ATP8B1: variants seen among roughly 807,000 people sequenced by gnomAD.
ATP8B1 encodes the protein ATPase phospholipid transporting 8B1.
ATP8B1 carries 80 observed loss-of-function variants against 149.9 expected under a neutral mutation model. The observed-to-expected ratio is 0.53, with a 90% confidence interval of 0.45 to 0.64. The LOEUF is 0.64. Among genes scored for constraint, ATP8B1 ranks in the 30% least tolerant of loss-of-function variants. The pLI, the probability that ATP8B1 is intolerant of heterozygous loss-of-function variation, is 0.00. For synonymous variants in ATP8B1, 536 were observed against 562.8 expected, an observed-to-expected ratio of 0.95 and a Z score of 0.67; for missense variants, 1,247 against 1,552.6, an observed-to-expected ratio of 0.80 and a Z score of 3.31.
At chr18:57,783,757 A>G (rs2080379506) in intron 1 of ATP8B1, among the ~76,000 whole-genome samples, 1 of 152,074 alleles carries the variant, frequency 6.6e-6, no homozygotes, top group Non-Finnish European at 1.5e-5. Flanking sequence ...AATTGCTTGA[A>G]CTGGGAGGCA....
At position 57,667,376 on chromosome 18, in the gene ATP8B1, C is replaced by T. The variant is rs552838476; in HGVS notation, c.2210-209G>A. ...CCCAAGTAGCTGGGACTACGCAACT[C>T]GCTGCCAAGCCACCAAACAATTTGT... On this transcript the variant is annotated intron_variant, in intron 19 of 27. Transcript: ENST00000648908. 278 of 543,880 alleles carry T rather than the reference C, an allele frequency of 5.1e-4. 1 individual carries two copies. The highest frequency in any genetic ancestry group is 5.0e-3 in the South Asian group (237 of 47,774). 33.7% of individuals were successfully genotyped at this position (543,880 alleles called of 1,614,324 possible). A position where few individuals can be genotyped will look rare whatever the true frequency, so the allele number is the denominator to read the frequency against.
chr18:57,764,677 C>T lies in ATP8B1; in HGVS notation c.-25-32845G>A, dbSNP rs189153779. On this transcript the variant is annotated intron_variant, in intron 1 of 27. Transcript: ENST00000648908. Reference sequence around the variant, plus strand: ...CAAGTGATCCACCTGCCTCAGCCTCCCAAAATGCTAGGATTACAGGTGTGA... The same window carrying T: ...CAAGTGATCCACCTGCCTCAGCCTCTCAAAATGCTAGGATTACAGGTGTGA... 4.3e-3 allele frequency among the ~76,000 whole-genome samples: 646 copies of T among 151,232 alleles called. 12 individuals are homozygous for T. The highest frequency in any genetic ancestry group is 0.024 in the Admixed American group (362 of 15,104).
chr18:57,652,945 G>T (rs1909723414), intron 24 of ATP8B1, among the ~76,000 whole-genome samples: 1 of 152,116 alleles, frequency 6.6e-6, no homozygotes. Flanking sequence ...ATTCAGAGAA[G>T]GGCTAGGTAT....
chr18:57,652,414 T>C (rs2122562281), intron 25 of ATP8B1, 70 bp downstream of exon 25: 1 of 1,597,876 alleles, frequency 6.3e-7, no homozygotes, highest in Non-Finnish European at 8.6e-7. Context: ...TGGATGTGCA[T>C]GCCACCCTAT....
chr18:57,683,298 A>G (rs1912073067), intron 15 of ATP8B1, among the ~76,000 whole-genome samples: 1 of 152,206 alleles, frequency 6.6e-6, no homozygotes, highest in African/African-American at 2.4e-5. Flanking sequence ...AAGGCAGACT[A>G]CGCTTTATTA....
chr18:57,782,585 G>A (rs962084229), intron 1 of ATP8B1, among the ~76,000 whole-genome samples: 4 of 152,054 alleles, frequency 2.6e-5, no homozygotes, highest in African/African-American at 7.2e-5. Flanking sequence ...ATGCTTCCCA[G>A]GTGAACTTGA....
At chr18:57,772,681 C>T (rs1482752488) in intron 1 of ATP8B1, among the ~76,000 whole-genome samples, 1 of 152,116 alleles carries the variant, frequency 6.6e-6, no homozygotes, top group Non-Finnish European at 1.5e-5. Flanking sequence ...CAACGTGGCT[C>T]CTGTCCCTAT....
At chr18:57,712,886 TG>T (rs1282628492) in intron 2 of ATP8B1, among the ~76,000 whole-genome samples, 1 of 151,960 alleles carries the variant, frequency 6.6e-6, no homozygotes, top group Non-Finnish European at 1.5e-5. Context: ...TAGACAATCC[TG>T]GATCAGAAGG....
chr18:57,672,299 A>C (rs1040703749), intron 16 of ATP8B1, among the ~76,000 whole-genome samples: 1 of 151,832 alleles, frequency 6.6e-6, no homozygotes, highest in South Asian at 2.1e-4. Flanking sequence ...CCTAATGACC[A>C]TTTTTTTTGG....
At chr18:57,774,394 C>T (rs62092633) in intron 1 of ATP8B1, among the ~76,000 whole-genome samples, 28,735 of 152,200 alleles carry the variant, frequency 0.19, 5,103 homozygotes, top group East Asian at 0.89. Context: ...GGTCAGGAGT[C>T]TGAGACCAGC....
In ATP8B1 at chr18:57,715,853, G is replaced by A. The variant is rs77865564; in HGVS notation, c.182-9266C>T. 7.4e-3 allele frequency among the ~76,000 whole-genome samples: 1,120 copies of A among 152,274 alleles called. 14 individuals are homozygous for A. Among genetic ancestry groups the A allele is most frequent in the African/African-American group, 0.026 (1,071 of 41,552 alleles). On this transcript the variant is annotated intron_variant, in intron 2 of 27. Coordinates refer to ENST00000648908, the MANE Select transcript of ATP8B1 (RefSeq NM_001374385.1). ...AATGCTAAACAGAGTACATTAATCA[G>A]AAAGTAAACGATGTTAGTGAGCAAT...
intron 8 of ATP8B1, among the ~76,000 whole-genome samples, chr18:57,697,097 C>T (rs1192894865): frequency 6.6e-6 from 1 of 152,002 alleles, no homozygotes; most frequent in Non-Finnish European, 1.5e-5. Flanking sequence ...CCCATCTCTA[C>T]TAAAAATGCA....
At chr18:57,694,957 G>A (rs1912727518) in intron 10 of ATP8B1, among the ~76,000 whole-genome samples, 2 of 144,772 alleles carry the variant, frequency 1.4e-5, no homozygotes, top group South Asian at 2.1e-4. Flanking sequence ...TTGAACCCAG[G>A]AGACAGAGGT....
In ATP8B1 at chr18:57,697,623, C is replaced by T. The variant is rs757397955; in HGVS notation, c.693G>A (p.Leu231=). 6.2e-7 allele frequency: 1 copy of T among 1,613,872 alleles called. No homozygotes were observed. ...NSLCYVETAE[L]DGETNLKFKM... is the part of the protein sequence containing the mutation. ...GCCCATCGAGACACACTTACCCATC[C>T]AGTTCTGCTGTTTCCACATAGCAGA... The change falls in exon 8 of 28, where the codon CTG becomes CTA. Residue 231 remains leucine (L), a synonymous_variant. Transcript: ENST00000648908.
At position 57,706,545 on chromosome 18, in the gene ATP8B1, TCGTGGTA is replaced by T; in HGVS notation, c.217_223del (p.Tyr73AsnfsTer6). 1 of 1,614,150 alleles carries T rather than the reference TCGTGGTA, an allele frequency of 6.2e-7. No individual in the cohort carries two copies. Among genetic ancestry groups the T allele is most frequent in the Non-Finnish European group, 8.5e-7 (1 of 1,180,020 alleles). ...TTTTGTGTTCATAAAGTGAGGTTGTTCGTGGTACTTGCGATCGTTTGCTTTGACTTGC... is the reference window on the plus strand; with the variant it reads ...TTTTGTGTTCATAAAGTGAGGTTGTTCTTGCGATCGTTTGCTTTGACTTGC... On this transcript the variant is annotated frameshift_variant, in exon 3 of 28. Transcript: ENST00000648908. LOFTEE classifies it high-confidence loss of function.
chr18:57,649,378 A>T (rs1038424944), intron 27 of ATP8B1, among the ~76,000 whole-genome samples: 1 of 152,130 alleles, frequency 6.6e-6, no homozygotes, highest in Non-Finnish European at 1.5e-5. Context: ...CAGCTAGAAA[A>T]TGCAAAGCCA....
At chr18:57,723,090 G>A (rs2079664566) in intron 2 of ATP8B1, among the ~76,000 whole-genome samples, 1 of 151,410 alleles carries the variant, frequency 6.6e-6, no homozygotes, top group Admixed American at 6.6e-5. Context: ...GTATTGATGG[G>A]ACGTATTTCA....
intron 1 of ATP8B1, among the ~76,000 whole-genome samples, chr18:57,750,889 C>T (rs1272380552): frequency 2.6e-5 from 4 of 151,948 alleles, no homozygotes; most frequent in South Asian, 2.1e-4. Context: ...GAGGCCAAGG[C>T]GGGTGGATCG....
chr18:57,744,943 G>C (rs545156402), intron 1 of ATP8B1, among the ~76,000 whole-genome samples: 54 of 152,304 alleles, frequency 3.5e-4, no homozygotes, highest in African/African-American at 1.2e-3. Context: ...TGAAAAGGCA[G>C]TAGAAGAGGC....
Sources: gnomAD v4.1 joint callset for allele counts (sites outside exome capture counted in the v4.1 genomes callset) on GRCh38, gnomAD v4.1.1 for gene constraint, MANE v1.5 for transcripts, NCBI Gene and HGNC (gene_info 2026-07-23, HGNC 2026-07-21) for gene names.